Variants in EBF1 observed in about 807,000 individuals in gnomAD.
EBF1 encodes transcription factor COE1.
EBF1 carries 10 observed loss-of-function variants against 68.4 expected under a neutral mutation model. The ratio of observed to expected loss-of-function variants is 0.15; its 90% CI spans 0.09 to 0.25. The LOEUF (loss-of-function observed/expected upper bound fraction) is 0.25. EBF1 is among the 10% of genes least tolerant of loss of function. The pLI, the probability that EBF1 is intolerant of heterozygous loss-of-function variation, is 1.00. For synonymous variants in EBF1, 298 were observed against 299.8 expected, an observed-to-expected ratio of 0.99 and a Z score of 0.06; for missense variants, 509 against 794.4, an observed-to-expected ratio of 0.64 and a Z score of 4.32.
intron 6 of EBF1, among the ~76,000 whole-genome samples, chr5:158,864,859 C>T (rs566915536): frequency 2.6e-5 from 4 of 152,282 alleles, no homozygotes; most frequent in African/African-American, 4.8e-5. Flanking sequence ...GGTGATGCGA[C>T]GGCAGTTCCA....
intron 6 of EBF1, among the ~76,000 whole-genome samples, chr5:158,910,709 G>T (rs1805783688): frequency 6.6e-6 from 1 of 152,034 alleles, no homozygotes; most frequent in Admixed American, 6.5e-5. Context: ...TAGGTTTTAT[G>T]GTTTATGGAA....
At chr5:158,824,156 G>A (rs560307904) in intron 7 of EBF1, among the ~76,000 whole-genome samples, 165 of 152,232 alleles carry the variant, frequency 1.1e-3, no homozygotes, top group Non-Finnish European at 1.9e-3. Flanking sequence ...TTATTCATGC[G>A]ACCTCTTACA....
intron 6 of EBF1, among the ~76,000 whole-genome samples, chr5:158,897,496 C>A (rs767108155): frequency 2.0e-5 from 3 of 152,014 alleles, no homozygotes; most frequent in Non-Finnish European, 2.9e-5. Context: ...ATGAAATAAT[C>A]TGTACAACAA....
chr5:158,701,342 C>A (rs1275648578), intron 15 of EBF1, among the ~76,000 whole-genome samples: 2 of 142,246 alleles, frequency 1.4e-5, no homozygotes, highest in Admixed American at 7.3e-5. Context: ...TGAAAACATC[C>A]CATTTGAATG....
chr5:158,981,974 C>T (rs1757989407), intron 6 of EBF1, among the ~76,000 whole-genome samples: 1 of 152,130 alleles, frequency 6.6e-6, no homozygotes, highest in African/African-American at 2.4e-5. Flanking sequence ...GCTAGATAAG[C>T]CTCCTGATAA....
intron 7 of EBF1, among the ~76,000 whole-genome samples, chr5:158,837,943 C>T (rs138050926): frequency 6.9e-4 from 105 of 152,244 alleles, no homozygotes; most frequent in Non-Finnish European, 8.8e-4. Flanking sequence ...ATGTCAAGAC[C>T]AAAGCAAGCT....
At chr5:158,777,363 C>A in intron 10 of EBF1, 50 bp downstream of exon 10, 1 of 1,511,622 alleles carries the variant, frequency 6.6e-7, no homozygotes, top group South Asian at 1.4e-5. Context: ...AGGGGAAAGA[C>A]CCCACAAGAC....
rs140642052 is a variant in EBF1 at position 158,835,207 on chromosome 5, G to A, written c.636+4822C>T. Among the ~76,000 whole-genome samples the A allele has an allele frequency of 5.3e-4, 80 of 152,248 alleles. No homozygotes were observed. The East Asian group carries it at 0.014, about 27-fold the overall frequency. On this transcript the variant is annotated intron_variant, in intron 7 of 15. Coordinates refer to ENST00000313708, the MANE Select transcript of EBF1 (RefSeq NM_024007.5). ...AGACTAATCCTCCCTGTCTTGGTTC[G>A]GTCCTAAGACTTGGGAAATTTAGTA...
chr5:158,823,225 C>T lies in EBF1; in HGVS notation c.729G>A (p.Arg243=). The T allele has an allele frequency of 6.2e-7, 1 of 1,613,980 alleles. No homozygotes were observed. The highest frequency in any genetic ancestry group is 1.7e-5 in the Admixed American group (1 of 59,984). The change falls in exon 8 of 16, where the codon AGG becomes AGA. Residue 243 remains arginine (R), a synonymous_variant. Coordinates refer to ENST00000313708, the MANE Select transcript of EBF1 (RefSeq NM_024007.5). ...CTTCCGAGGGGTCAAGCCTCCGAGC[C>T]CTCCGCCCATGCTTGGAATTATTAT... ...FVHNNSKHGR[R]ARRLDPSEGT... is the part of the protein sequence containing the mutation.
At chr5:159,069,267 GCT>G (rs1279625624) in intron 6 of EBF1, among the ~76,000 whole-genome samples, 61 of 151,154 alleles carry the variant, frequency 4.0e-4, no homozygotes, top group African/African-American at 1.4e-3. Flanking sequence ...AAGGAATGAT[GCT>G]CACATTGTCA....
At chr5:158,823,120 C>G (rs747944847) in intron 8 of EBF1, 56 bp downstream of exon 8, 62 of 1,611,712 alleles carry the variant, frequency 3.8e-5, no homozygotes, top group Non-Finnish European at 5.1e-5. Flanking sequence ...AAGAAAGAAA[C>G]CAAATATATT....
rs72812369 is a variant in EBF1, at chr5:158,867,415, C to A, written c.555-27305G>T. 9.0e-3 allele frequency among the ~76,000 whole-genome samples: 1,364 copies of A among 152,304 alleles called. 10 individuals are homozygous for A. The highest frequency in any genetic ancestry group is 0.014 in the Non-Finnish European group (958 of 68,024). On this transcript the variant is annotated intron_variant, in intron 6 of 15. Transcript: ENST00000313708. The stretch of plus-strand genomic sequence containing the variant: ...ACTTTACCTCCGTATTTTCATCTAA[C>A]TCAAGGTTCAAGATGGGATACAGTG...
At chr5:158,868,718 C>T (rs113827043) in intron 6 of EBF1, among the ~76,000 whole-genome samples, 2 of 152,096 alleles carry the variant, frequency 1.3e-5, no homozygotes, top group African/African-American at 4.8e-5. Flanking sequence ...ACATGGTGCC[C>T]CTGTCTCTGG....
At chr5:159,003,176 ACT>A (rs1443348047) in intron 6 of EBF1, among the ~76,000 whole-genome samples, 1 of 152,118 alleles carries the variant, frequency 6.6e-6, no homozygotes, top group Non-Finnish European at 1.5e-5. Context: ...CTCTTTGCTA[ACT>A]CTGTTAGTCA....
intron 6 of EBF1, among the ~76,000 whole-genome samples, chr5:158,898,355 C>T (rs547359032): frequency 9.2e-5 from 14 of 152,188 alleles, no homozygotes; most frequent in Non-Finnish European, 2.1e-4. Flanking sequence ...GTTCTTCTCC[C>T]TCACTATCCT....
chr5:158,989,150 A>G (rs1759753141), intron 6 of EBF1, among the ~76,000 whole-genome samples: 2 of 152,074 alleles, frequency 1.3e-5, no homozygotes, highest in Non-Finnish European at 2.9e-5. Flanking sequence ...TCCAACACCT[A>G]ATTGAGCGAC....
chr5:159,061,534 A>G (rs10069575), intron 6 of EBF1, among the ~76,000 whole-genome samples: 10,109 of 152,114 alleles, frequency 0.066, 1,156 homozygotes, highest in African/African-American at 0.23. Flanking sequence ...GAGAAGAGGG[A>G]GGAGGAGCCC....
chr5:158,933,134 G>A (rs1811247593), intron 6 of EBF1, among the ~76,000 whole-genome samples: 1 of 151,752 alleles, frequency 6.6e-6, no homozygotes, highest in Non-Finnish European at 1.5e-5. Flanking sequence ...CATACATACG[G>A]GGTATCACTT....
intron 9 of EBF1, among the ~76,000 whole-genome samples, chr5:158,783,426 T>C (rs1038458481): frequency 6.6e-6 from 1 of 152,226 alleles, no homozygotes; most frequent in East Asian, 1.9e-4. Context: ...AATTTTACTT[T>C]CTTCTGTATG....
Sources: allele counts gnomAD v4.1 joint callset (sites outside exome capture counted in the v4.1 genomes callset), GRCh38; gene constraint gnomAD v4.1.1; transcripts MANE v1.5; gene names NCBI Gene and HGNC (gene_info 2026-07-23, HGNC 2026-07-21).